Variants in PIERCE1 observed in about 807,000 individuals in gnomAD.
The protein encoded by PIERCE1 is piercer of microtubule wall 1.
At chr9:135,499,210 G>A in the PIERCE1 span, among the ~76,000 whole-genome samples, 1 of 152,234 alleles carries the variant, frequency 6.6e-6, no homozygotes, top group Non-Finnish European at 1.5e-5. Flanking sequence ...ATCTCAATGC[G>A]AGAATGAGGA....
chr9:135,495,504 C>T, the PIERCE1 span: 20 of 1,614,042 alleles, frequency 1.2e-5, no homozygotes, highest in East Asian at 2.2e-5. Context: ...ATGCAGTTAT[C>T]GGGGCCAGTC....
chr9:135,496,289 C>T, the PIERCE1 span, among the ~76,000 whole-genome samples: 1 of 152,230 alleles, frequency 6.6e-6, no homozygotes, highest in African/African-American at 2.4e-5. Context: ...TGCAGTCCTG[C>T]CTGGGCAACA....
At chr9:135,498,708 C>A in the PIERCE1 span, 1 of 1,547,430 alleles carries the variant, frequency 6.5e-7, no homozygotes, top group African/African-American at 1.4e-5. This position sits in a 1 kb window ranked among gnomAD's most constrained non-coding sequence, Gnocchi z 4.1. Context: ...TACTCTAATT[C>A]TGCACAAGCC....
chr9:135,498,911 A>G, the PIERCE1 span: 3 of 498,130 alleles, frequency 6.0e-6, no homozygotes, highest in South Asian at 2.5e-5. This position sits in a 1 kb window ranked among gnomAD's most constrained non-coding sequence, Gnocchi z 4.1. Context: ...CCAAAGCCCT[A>G]AAGAGCAGGC....
chr9:135,498,206 C>T, the PIERCE1 span, among the ~76,000 whole-genome samples: 2,872 of 151,032 alleles, frequency 0.019, 85 homozygotes, highest in African/African-American at 0.065. The surrounding 1 kb of genome is among the most constrained non-coding windows in gnomAD (Gnocchi z 4.1). Context: ...AGTACAATTC[C>T]AAAAAAAAAG....
the PIERCE1 span, chr9:135,499,669 G>A: frequency 1.2e-6 from 2 of 1,602,050 alleles, no homozygotes; most frequent in South Asian, 1.1e-5. Flanking sequence ...GGGCTATCGA[G>A]CAGTGGACGC....
the PIERCE1 span, chr9:135,498,552 T>A: frequency 6.2e-7 from 1 of 1,603,404 alleles, no homozygotes; most frequent in Non-Finnish European, 8.5e-7. The surrounding 1 kb of genome is among the most constrained non-coding windows in gnomAD (Gnocchi z 4.1). Flanking sequence ...ACCCACCCCC[T>A]GCCCCCCATG....
chr9:135,499,693 G>GC, the PIERCE1 span: 4 of 1,607,002 alleles, frequency 2.5e-6, no homozygotes, highest in Non-Finnish European at 3.4e-6. Context: ...GACCAGGCGG[G>GC]CCCCAGCTTC....
the PIERCE1 span, chr9:135,495,738 G>A: frequency 2.2e-6 from 2 of 893,168 alleles, no homozygotes; most frequent in Non-Finnish European, 3.4e-6. Context: ...GGGTAGGATG[G>A]CCTGGCTCAC....
the PIERCE1 span, chr9:135,499,436 G>A: frequency 1.5e-6 from 1 of 681,832 alleles, no homozygotes; most frequent in Non-Finnish European, 2.8e-6. Context: ...GAGGAGAGGA[G>A]ACTCACCCGA....
At chr9:135,499,378 G>A in the PIERCE1 span, 8 of 591,152 alleles carry the variant, frequency 1.4e-5, no homozygotes, top group Non-Finnish European at 2.6e-5. Context: ...CAGCAAGACA[G>A]TGGAGGTGCT....
At chr9:135,499,618 T>C in the PIERCE1 span, 1 of 1,490,594 alleles carries the variant, frequency 6.7e-7, no homozygotes. Context: ...TTGATTTCTG[T>C]AGCTAGGACC....
the PIERCE1 span, chr9:135,495,206 C>T: frequency 2.0e-6 from 1 of 488,092 alleles, no homozygotes; most frequent in Non-Finnish European, 3.6e-6. Flanking sequence ...GTTTTTAATG[C>T]AAAGTCAACC....
the PIERCE1 span, chr9:135,495,320 G>T: frequency 9.7e-7 from 1 of 1,034,606 alleles, no homozygotes; most frequent in South Asian, 1.6e-5. Context: ...TTCAGGGAAG[G>T]CAGCGCAGTC....
the PIERCE1 span, chr9:135,498,865 C>A: frequency 5.1e-6 from 3 of 583,626 alleles, no homozygotes; most frequent in Admixed American, 5.6e-5. The surrounding 1 kb of genome is among the most constrained non-coding windows in gnomAD (Gnocchi z 4.1). Flanking sequence ...CCCCGGCCCC[C>A]TCTGCTTGCC....
the PIERCE1 span, chr9:135,495,588 A>C: frequency 6.2e-7 from 1 of 1,613,556 alleles, no homozygotes; most frequent in Non-Finnish European, 8.5e-7. Flanking sequence ...TGTTGGGAAA[A>C]TTTATTCGAA....
At chr9:135,496,099 C>A in the PIERCE1 span, among the ~76,000 whole-genome samples, 22 of 152,110 alleles carry the variant, frequency 1.4e-4, no homozygotes. Context: ...TGGATCGCCT[C>A]AGGTCAGGAG....
the PIERCE1 span, chr9:135,498,533 C>G: frequency 4.5e-6 from 7 of 1,555,984 alleles, no homozygotes; most frequent in Non-Finnish European, 5.3e-6. This position sits in a 1 kb window ranked among gnomAD's most constrained non-coding sequence, Gnocchi z 4.1. Flanking sequence ...TTAGCCTCTT[C>G]TTGAGGCCAC....
chr9:135,498,491 C>G, the PIERCE1 span: 1 of 1,037,070 alleles, frequency 9.6e-7, no homozygotes, highest in Non-Finnish European at 1.5e-6. The surrounding 1 kb of genome is among the most constrained non-coding windows in gnomAD (Gnocchi z 4.1). Context: ...CCCTCCCCGT[C>G]TCATTGTTGA....
Sources: gnomAD v4.1 joint callset for allele counts (sites outside exome capture counted in the v4.1 genomes callset) on GRCh38, gnomAD v4.1.1 for gene constraint, Gnocchi (gnomAD v3.1) non-coding constraint, MANE v1.5 for transcripts, NCBI Gene and HGNC (gene_info 2026-07-23, HGNC 2026-07-21) for gene names.